LRP1B: variants seen among roughly 807,000 people sequenced by gnomAD.
LRP1B encodes low-density lipoprotein receptor-related protein 1B.
Under a neutral mutation model 556.6 loss-of-function variants are expected in LRP1B, and 217 were observed. The observed-to-expected ratio is 0.39, with a 90% confidence interval of 0.35 to 0.44. The LOEUF is 0.44. Ranked by LOEUF, LRP1B falls within the 20% of genes least tolerant of loss-of-function variation. The pLI, the probability that LRP1B is intolerant of heterozygous loss-of-function variation, is 1.00. For synonymous variants in LRP1B, 2,047 were observed against 1,865.8 expected (o/e 1.10, Z -2.50); for missense variants, 5,053 against 5,620.8 (o/e 0.90, Z 3.23).
intron 2 of LRP1B, among the ~76,000 whole-genome samples, chr2:141,795,752 C>A (rs1695782185): frequency 6.7e-6 from 1 of 150,188 alleles, no homozygotes; most frequent in African/African-American, 2.4e-5. Context: ...TTTATTTTTT[C>A]TTCTGGCATG....
intron 2 of LRP1B, among the ~76,000 whole-genome samples, chr2:141,606,613 G>A (rs1328946722): frequency 6.6e-6 from 1 of 152,140 alleles, no homozygotes; most frequent in Non-Finnish European, 1.5e-5. Context: ...AATACAATCT[G>A]ACTGGTGTCC....
rs544632368 is a variant in LRP1B at position 140,332,949 on chromosome 2, A to G, written c.12223+1504T>C. Among the ~76,000 whole-genome samples, 11 of 152,186 alleles carry G rather than the reference A, an allele frequency of 7.2e-5. 3 individuals are homozygous for G. The highest frequency in any genetic ancestry group is 2.6e-4 in the African/African-American group (11 of 41,550). On this transcript the variant is annotated intron_variant, in intron 79 of 90. Coordinates refer to ENST00000389484, the MANE Select transcript of LRP1B (RefSeq NM_018557.3). ...CCAAAGAAGTATTTTAAAAATAAAAACTGTGTTTGAGATTATGCCACTTAC... is the reference window on the plus strand; with the variant it reads ...CCAAAGAAGTATTTTAAAAATAAAAGCTGTGTTTGAGATTATGCCACTTAC...
intron 3 of LRP1B, among the ~76,000 whole-genome samples, chr2:141,337,383 T>C (rs755031556): frequency 2.6e-5 from 4 of 152,204 alleles, no homozygotes; most frequent in Non-Finnish European, 5.9e-5. Flanking sequence ...AGCATCCCCT[T>C]TTAATAACAT....
At chr2:142,091,577 A>C (rs1706174838) in intron 1 of LRP1B, among the ~76,000 whole-genome samples, 1 of 152,182 alleles carries the variant, frequency 6.6e-6, no homozygotes, top group African/African-American at 2.4e-5. Flanking sequence ...GCAATTGTTA[A>C]CTATAAGAAG....
At chr2:141,637,764 C>G (rs1282292146) in intron 2 of LRP1B, among the ~76,000 whole-genome samples, 1 of 152,158 alleles carries the variant, frequency 6.6e-6, no homozygotes, top group Non-Finnish European at 1.5e-5. Flanking sequence ...TGTTTGCCCT[C>G]TCTGAATATC....
intron 37 of LRP1B, among the ~76,000 whole-genome samples, chr2:140,706,598 A>G (rs2105440533): frequency 6.6e-6 from 1 of 152,278 alleles, no homozygotes; most frequent in African/African-American, 2.4e-5. Context: ...ACTAGACTCT[A>G]ACAGTTTTGA....
chr2:140,393,121 A>G (rs1684097157), intron 66 of LRP1B, among the ~76,000 whole-genome samples: 1 of 148,850 alleles, frequency 6.7e-6, no homozygotes, highest in African/African-American at 2.5e-5. Context: ...TTTTGTAGAG[A>G]TGGAGTCTAA....
chr2:141,367,931 TAAC>T (rs1438188258), intron 3 of LRP1B, among the ~76,000 whole-genome samples: 3 of 152,188 alleles, frequency 2.0e-5, no homozygotes, highest in African/African-American at 2.4e-5. Context: ...AAAATTTTAA[TAAC>T]AACCCTAGAA....
intron 3 of LRP1B, among the ~76,000 whole-genome samples, chr2:141,329,052 A>G (rs1390110176): frequency 1.3e-5 from 2 of 152,194 alleles, no homozygotes; most frequent in East Asian, 3.8e-4. Flanking sequence ...ATATCATAAA[A>G]ATATAAAACT....
intron 59 of LRP1B, among the ~76,000 whole-genome samples, chr2:140,483,795 C>T (rs1003826354): frequency 3.3e-5 from 5 of 151,414 alleles, no homozygotes; most frequent in Non-Finnish European, 7.4e-5. Flanking sequence ...TGTGCGCCAC[C>T]ACGCCTGGCT....
chr2:141,451,863 A>G (rs1487358525), intron 3 of LRP1B, among the ~76,000 whole-genome samples: 1 of 152,158 alleles, frequency 6.6e-6, no homozygotes, highest in African/African-American at 2.4e-5. Context: ...AGCAATCTCA[A>G]ATAAGGTTTT....
intron 18 of LRP1B, among the ~76,000 whole-genome samples, chr2:140,967,994 A>C: frequency 6.7e-5 from 1 of 14,854 alleles, no homozygotes; most frequent in Non-Finnish European, 2.8e-4. Flanking sequence ...ATATTGGTCT[A>C]AAATTCTCTT....
intron 7 of LRP1B, among the ~76,000 whole-genome samples, chr2:141,064,338 T>A (rs1164313387): frequency 6.6e-6 from 1 of 151,888 alleles, no homozygotes; most frequent in East Asian, 1.9e-4. Flanking sequence ...GGAGGAAGAG[T>A]ATAAACCAGG....
intron 2 of LRP1B, among the ~76,000 whole-genome samples, chr2:141,800,670 T>G (rs1052320652): frequency 6.6e-6 from 1 of 152,210 alleles, no homozygotes; most frequent in African/African-American, 2.4e-5. Context: ...TTCATTCATG[T>G]CAGTAATCAT....
chr2:141,976,431 G>T (rs901855694), intron 1 of LRP1B, among the ~76,000 whole-genome samples: 1 of 151,866 alleles, frequency 6.6e-6, no homozygotes, highest in Non-Finnish European at 1.5e-5. Context: ...TTCAATTAAC[G>T]AACTTTTGCA....
chr2:140,442,388 C>G, intron 66 of LRP1B, 116 bp downstream of exon 66: 6 of 1,339,996 alleles, frequency 4.5e-6, no homozygotes, highest in Non-Finnish European at 6.0e-6. Flanking sequence ...AGAGACAAAA[C>G]CTTTTCAGGT....
intron 3 of LRP1B, among the ~76,000 whole-genome samples, chr2:141,458,980 G>A (rs1681746466): frequency 6.6e-6 from 1 of 152,168 alleles, no homozygotes; most frequent in South Asian, 2.1e-4. Flanking sequence ...TTAGTTGCCA[G>A]TGCACAACTG....
In LRP1B at chr2:140,487,666, G is replaced by C. The variant is rs1395055459; in HGVS notation, c.9194C>G (p.Pro3065Arg). Reference protein sequence around the residue: ...EFIYWIDSSRPNGSRINRMCL... With the variant: ...EFIYWIDSSRRNGSRINRMCL... The stretch of plus-strand genomic sequence containing the variant: ...CATTCTATTTATGCGACTGCCATTG[G>C]GTCGGCTAGAATCGATCCAATAGAT... The change falls in exon 58 of 91, where the codon CCC becomes CGC. Residue 3065 changes from proline (P) to arginine (R), a missense_variant. Physicochemically the swap from Pro to Arg is moderately radical, Grantham distance 103 (BLOSUM62 -2). Around this residue, in one of 5 missense-constraint regions of LRP1B, gnomAD observed 3,619 missense variants for 3,931.9 expected, o/e 0.92. Transcript: ENST00000389484. The C allele has an allele frequency of 3.1e-6, 5 of 1,606,664 alleles. No homozygotes were observed. Among genetic ancestry groups the C allele is most frequent in the Non-Finnish European group, 4.3e-6 (5 of 1,175,496 alleles).
At chr2:141,675,817 T>A (rs2105420788) in intron 2 of LRP1B, among the ~76,000 whole-genome samples, 1 of 152,040 alleles carries the variant, frequency 6.6e-6, no homozygotes, top group African/African-American at 2.4e-5. Context: ...TTAATTATAT[T>A]CTGAGATTCC....
Sources: gnomAD v4.1 joint callset for allele counts (sites outside exome capture counted in the v4.1 genomes callset) on GRCh38, gnomAD v4.1.1 for gene constraint, gnomAD v4.1.1 regional missense constraint, MANE v1.5 for transcripts, NCBI Gene and HGNC (gene_info 2026-07-23, HGNC 2026-07-21) for gene names.